The following ALMS1 variants were observed in gnomAD, a reference collection of about 807,000 sequenced individuals.
ALMS1 encodes ALMS1 centrosome and basal body associated protein, also known as centrosome-associated protein ALMS1.
A neutral mutation model predicts 352.2 loss-of-function variants in ALMS1; 271 were observed. That is an observed-to-expected ratio of 0.77 (90% CI 0.70 to 0.85). The LOEUF (loss-of-function observed/expected upper bound fraction) is 0.85. ALMS1 is among the 40% of genes least tolerant of loss of function. ALMS1 has a pLI of 0.00. For synonymous variants in ALMS1, 1,865 were observed against 1,761.2 expected, an observed-to-expected ratio of 1.06 and a Z score of -1.48; for missense variants, 5,445 against 4,870.7, an observed-to-expected ratio of 1.12 and a Z score of -3.51.
In ALMS1 at chr2:73,450,917, C is replaced by T. The variant is rs904289501; in HGVS notation, c.4390C>T (p.Gln1464Ter). The change falls in exon 8 of 23, where the codon CAG (glutamine) becomes TAG (stop). Residue 1464 changes from glutamine to a stop codon, truncating the protein, a stop_gained. Coordinates refer to ENST00000613296, the MANE Select transcript of ALMS1 (RefSeq NM_001378454.1). LOFTEE classifies it high-confidence loss of function. ...TTCAGTTGCTCCTGGACCAGTTGACCAGACGATTGGCACACCAACTGTAAC... is the reference window on the plus strand; with the variant it reads ...TTCAGTTGCTCCTGGACCAGTTGACTAGACGATTGGCACACCAACTGTAAC... ...EVSVAPGPVD[Q>*]TIGTPTVTSP... The T allele has an allele frequency of 6.2e-7, 1 of 1,613,988 alleles. No individual in the cohort carries two copies. The highest frequency in any genetic ancestry group is 1.1e-5 in the South Asian group (1 of 91,058).
At chr2:73,590,163 C>A (rs188379984) in intron 16 of ALMS1, among the ~76,000 whole-genome samples, 4 of 151,870 alleles carry the variant, frequency 2.6e-5, no homozygotes, top group East Asian at 1.9e-4. Context: ...AGAATACATT[C>A]GTTTGTTCAT....
chr2:73,463,869 A>C, intron 9 of ALMS1, among the ~76,000 whole-genome samples: 1 of 151,658 alleles, frequency 6.6e-6, no homozygotes, highest in Non-Finnish European at 1.5e-5. Flanking sequence ...ATTCTTTGAC[A>C]CATACACCCT....
intron 2 of ALMS1, among the ~76,000 whole-genome samples, chr2:73,413,337 C>T (rs1319694477): frequency 6.6e-6 from 1 of 151,574 alleles, no homozygotes; most frequent in Non-Finnish European, 1.5e-5. Context: ...ATTTTTTTTC[C>T]TTTTTTGGTT....
At chr2:73,542,362 C>T (rs1345939192) in intron 12 of ALMS1, among the ~76,000 whole-genome samples, 1 of 152,108 alleles carries the variant, frequency 6.6e-6, no homozygotes, top group Non-Finnish European at 1.5e-5. Context: ...ATTGATGGGA[C>T]ATATCTCAAA....
At chr2:73,577,968 G>A (rs1255407007) in intron 16 of ALMS1, among the ~76,000 whole-genome samples, 1 of 152,138 alleles carries the variant, frequency 6.6e-6, no homozygotes, top group African/African-American at 2.4e-5. Flanking sequence ...GCTATCAGAA[G>A]TGGATTATTG....
intron 14 of ALMS1, among the ~76,000 whole-genome samples, chr2:73,557,986 A>G (rs746626363): frequency 4.6e-5 from 7 of 152,200 alleles, no homozygotes; most frequent in Non-Finnish European, 1.0e-4. Flanking sequence ...TTTGGCCTTC[A>G]TTCTTAAGCT....
chr2:73,550,283 T>C lies in ALMS1; in HGVS notation c.9924T>C (p.Ile3308=). 1 of 1,614,148 alleles carries C rather than the reference T, an allele frequency of 6.2e-7. No homozygotes were observed. Among genetic ancestry groups the C allele is most frequent in the South Asian group, 1.1e-5 (1 of 91,060 alleles). The change falls in exon 13 of 23, where the codon ATT becomes ATC. Residue 3308 remains isoleucine, a synonymous_variant. Transcript: ENST00000613296. ...TTTCTGTAGGATCCAATGATGCCATTGCTCCAGACTTCCCAGCTCAGGTGC... is the reference window on the plus strand; with the variant it reads ...TTTCTGTAGGATCCAATGATGCCATCGCTCCAGACTTCCCAGCTCAGGTGC... ...ESSHSGSNDA[I]APDFPAQVLG... is the part of the protein sequence containing the mutation.
Position 73,421,871 on chromosome 2 carries a change from A to T in ALMS1, c.647-986A>T, listed in dbSNP as rs575604221. On this transcript the variant is annotated intron_variant, in intron 3 of 22. Coordinates refer to ENST00000613296, the MANE Select transcript of ALMS1 (RefSeq NM_001378454.1). ...AGAGAGGAGTCCTCACTTTGTACAC[A>T]GTGTTGCAGGCATTCTGAAATCAAG... 7.2e-5 allele frequency among the ~76,000 whole-genome samples: 11 copies of T among 152,300 alleles called. No individual in the cohort carries two copies. In the Middle Eastern group the frequency reaches 0.01, roughly 141 times the overall value.
chr2:73,427,564 T>A (rs896554930), intron 6 of ALMS1, among the ~76,000 whole-genome samples: 5 of 151,912 alleles, frequency 3.3e-5, no homozygotes, highest in Admixed American at 1.3e-4. Context: ...GGTATACAGG[T>A]GTCATGGTGG....
At chr2:73,478,770 A>G (rs1027102387) in intron 9 of ALMS1, among the ~76,000 whole-genome samples, 3 of 151,998 alleles carry the variant, frequency 2.0e-5, no homozygotes, top group African/African-American at 7.3e-5. Flanking sequence ...TGCTGCACCT[A>G]TCAACCCATC....
chr2:73,536,131 C>G (rs1027412658), intron 12 of ALMS1, among the ~76,000 whole-genome samples: 4 of 152,154 alleles, frequency 2.6e-5, no homozygotes, highest in South Asian at 4.1e-4. Flanking sequence ...TTTAAAAACA[C>G]TGTTAATGGC....
chr2:73,494,107 CATAAT>C (rs899113923), intron 10 of ALMS1, among the ~76,000 whole-genome samples: 1 of 152,200 alleles, frequency 6.6e-6, no homozygotes, highest in Admixed American at 6.5e-5. Context: ...ATAAGGCACT[CATAAT>C]ATGACACCTA....
At chr2:73,479,409 C>A (rs1672649148) in intron 9 of ALMS1, among the ~76,000 whole-genome samples, 1 of 152,184 alleles carries the variant, frequency 6.6e-6, no homozygotes, top group Non-Finnish European at 1.5e-5. Flanking sequence ...CTGGCAACCA[C>A]TAATTTGTTC....
chr2:73,490,405 G>C lies in ALMS1; in HGVS notation c.8446G>C (p.Asp2816His). The C allele has an allele frequency of 6.2e-7, 1 of 1,614,118 alleles. No homozygotes were observed. Reference protein sequence around the residue: ...FQEEKPLERSDFTGSHSEPST... With the variant: ...FQEEKPLERSHFTGSHSEPST... ...AGAAGAAAAACCCTTAGAAAGATCA[G>C]ATTTTACAGGCAGTCATTCTGAGCC... The change falls in exon 10 of 23, where the codon GAT (aspartate) becomes CAT (histidine). Residue 2816 changes from aspartate to histidine, a missense_variant. By Grantham distance (81) the Asp-to-His change is moderately conservative (BLOSUM62 -1). Coordinates refer to ENST00000613296, the MANE Select transcript of ALMS1 (RefSeq NM_001378454.1).
intron 9 of ALMS1, among the ~76,000 whole-genome samples, chr2:73,478,884 C>G (rs904304025): frequency 6.6e-6 from 1 of 152,024 alleles, no homozygotes; most frequent in Non-Finnish European, 1.5e-5. Flanking sequence ...GTTCCCCTCC[C>G]TGTGTCCATG....
At chr2:73,485,286 T>G (rs1052114508) in intron 9 of ALMS1, among the ~76,000 whole-genome samples, 1 of 152,214 alleles carries the variant, frequency 6.6e-6, no homozygotes, top group Non-Finnish European at 1.5e-5. Flanking sequence ...TTAATTTTCC[T>G]TCTAACAGAC....
At chr2:73,465,377 A>T (rs1672311611) in intron 9 of ALMS1, among the ~76,000 whole-genome samples, 1 of 152,242 alleles carries the variant, frequency 6.6e-6, no homozygotes, top group African/African-American at 2.4e-5. Context: ...GACAAAAACA[A>T]GAAATGGGGA....
chr2:73,602,516 T>A, intron 20 of ALMS1, 148 bp downstream of exon 20: 1 of 930,092 alleles, frequency 1.1e-6, no homozygotes, highest in Non-Finnish European at 1.7e-6. Context: ...CCTTCTTAGC[T>A]AGCAGAATCT....
intron 15 of ALMS1, among the ~76,000 whole-genome samples, chr2:73,563,969 T>A (rs563255196): frequency 6.6e-6 from 1 of 151,602 alleles, no homozygotes; most frequent in African/African-American, 2.4e-5. Context: ...GAGATGAAAA[T>A]TTTTTTTGTA....
Sources: allele counts gnomAD v4.1 joint callset (sites outside exome capture counted in the v4.1 genomes callset), GRCh38; gene constraint gnomAD v4.1.1; transcripts MANE v1.5; gene names NCBI Gene and HGNC (gene_info 2026-07-23, HGNC 2026-07-21).